The following SERPINF1 variants were observed in gnomAD, a reference collection of about 807,000 sequenced individuals.
SERPINF1 encodes the protein serpin family F member 1.
Under a neutral mutation model 37.3 loss-of-function variants are expected in SERPINF1, and 29 were observed. The observed-to-expected ratio is 0.78, with a 90% CI of 0.58 to 1.06. SERPINF1 has a LOEUF of 1.06. Among genes scored for constraint, SERPINF1 ranks in the 50% least tolerant of loss-of-function variants. The pLI, the probability that SERPINF1 is intolerant of heterozygous loss-of-function variation, is 0.00. For missense variants in SERPINF1, 553 were observed against 532.2 expected (o/e 1.04, Z -0.38); for synonymous variants, 281 against 227.9 (o/e 1.23, Z -2.10).
In SERPINF1 at chr17:1,777,154, G is replaced by A. The variant is rs749784946; in HGVS notation, c.998-33G>A. On this transcript the variant is annotated intron_variant, in intron 7 of 7. Coordinates refer to ENST00000254722, the MANE Select transcript of SERPINF1 (RefSeq NM_002615.7). The stretch of plus-strand genomic sequence containing the variant: ...TTGGTTGGGGTGTTGGGGAAGGCAG[G>A]GTTTTAACGGAAATCTCTCTCCATC... The A allele has an allele frequency of 2.2e-5, 35 of 1,613,944 alleles. No homozygotes were observed. In the South Asian group the frequency reaches 3.5e-4, roughly 16 times the overall value.
chr17:1,776,709 G>A lies in SERPINF1; in HGVS notation c.964G>A (p.Glu322Lys), dbSNP rs779868315. The A allele has an allele frequency of 8.1e-6, 13 of 1,612,922 alleles. No individual in the cohort carries two copies. Among genetic ancestry groups the A allele is most frequent in the South Asian group, 2.2e-5 (2 of 90,972 alleles). Reference protein sequence around the residue: ...LTVPKLKLSYEGEVTKSLQEM... With the variant: ...LTVPKLKLSYKGEVTKSLQEM... Reference sequence around the variant, plus strand: ...TGTCCCCAAGCTGAAGCTGAGTTATGAAGGCGAAGTCACCAAGTCCCTGCA... The same window carrying A: ...TGTCCCCAAGCTGAAGCTGAGTTATAAAGGCGAAGTCACCAAGTCCCTGCA... The change falls in exon 7 of 8, where the codon GAA becomes AAA. Residue 322 changes from glutamate (E) to lysine (K), a missense_variant. Glu to Lys is a moderately conservative substitution (Grantham distance 56). Coordinates refer to ENST00000254722, the MANE Select transcript of SERPINF1 (RefSeq NM_002615.7).
chr17:1,777,039 T>A, intron 7 of SERPINF1, 148 bp from the exon 8 acceptor site: 1 of 1,260,232 alleles, frequency 7.9e-7, no homozygotes. Context: ...CCTGGGCAAG[T>A]CACTCCACCC....
chr17:1,766,603 C>G (rs1209251151), intron 1 of SERPINF1: 1 of 144,152 alleles, frequency 6.9e-6, no homozygotes, highest in Non-Finnish European at 1.3e-5. Flanking sequence ...TAAATAAAAG[C>G]TTTAGGCTTA....
chr17:1,763,034 A>C (rs991378298), intron 1 of SERPINF1, among the ~76,000 whole-genome samples: 7 of 152,184 alleles, frequency 4.6e-5, no homozygotes, highest in Admixed American at 3.9e-4. Flanking sequence ...GGGTGTGGGG[A>C]AGTGCAACTC....
chr17:1,771,043 A>G lies in SERPINF1; in HGVS notation c.298A>G (p.Thr100Ala). ...GTCTCTGGCAGGAGCGGAGCAGCGA[A>G]CAGAATCCATCATTCACCGGGCTCT... ...SALSLGAEQR[T>A]ESIIHRALYY... Residue 100 changes from threonine to alanine, a missense_variant, in exon 4 of 8, where the codon ACA becomes GCA. Physicochemically the swap from Thr to Ala is moderately conservative, Grantham distance 58. Transcript: ENST00000254722. 6.2e-7 allele frequency: 1 copy of G among 1,614,004 alleles called. No individual in the cohort carries two copies. The highest frequency in any genetic ancestry group is 8.5e-7 in the Non-Finnish European group (1 of 1,179,954).
intron 1 of SERPINF1, chr17:1,766,280 G>C (rs1001104125): frequency 2.6e-5 from 4 of 152,280 alleles, no homozygotes; most frequent in African/African-American, 7.2e-5. Context: ...CAGGGGCCAG[G>C]TGTAATGGCT....
intron 1 of SERPINF1, chr17:1,766,636 C>G (rs1829633368): frequency 2.7e-6 from 1 of 375,574 alleles, no homozygotes; most frequent in African/African-American, 2.1e-5. Context: ...CTGACGCAGA[C>G]AGTGGAACAA....
At chr17:1,763,733 T>C (rs1426474858) in intron 1 of SERPINF1, among the ~76,000 whole-genome samples, 2 of 152,246 alleles carry the variant, frequency 1.3e-5, no homozygotes, top group African/African-American at 4.8e-5. Context: ...TTTGGACCCA[T>C]GTCCCTTCCC....
Position 1,772,035 on chromosome 17 carries a change from T to A in SERPINF1, c.603T>A (p.Asp201Glu), listed in dbSNP as rs1907776686. The A allele has an allele frequency of 1.2e-6, 2 of 1,613,240 alleles. No homozygotes were observed. The highest frequency in any genetic ancestry group is 1.1e-5 in the South Asian group (1 of 91,068). Residue 201 changes from aspartate (D) to glutamate (E), a missense_variant, in exon 5 of 8, where the codon GAT becomes GAA. Coordinates refer to ENST00000254722, the MANE Select transcript of SERPINF1 (RefSeq NM_002615.7). The stretch of plus-strand genomic sequence containing the variant: ...CCAGGTCCACAAAGGAAATTCCCGA[T>A]GAGATCAGCATTCTCCTTCTCGGTG... ...KLARSTKEIP[D>E]EISILLLGVA...
chr17:1,776,368 C>A, intron 6 of SERPINF1, 164 bp from the exon 7 acceptor site: 3 of 703,572 alleles, frequency 4.3e-6, no homozygotes, highest in Non-Finnish European at 7.6e-6. Flanking sequence ...TGGCTCACTG[C>A]CAGAAAGCTA....
chr17:1,770,742 G>C, intron 3 of SERPINF1: 1 of 392,678 alleles, frequency 2.5e-6, no homozygotes, highest in East Asian at 6.1e-5. Flanking sequence ...TTACAGGCGT[G>C]AGCCACCGCG....
At chr17:1,776,440 C>T (rs774973647) in intron 6 of SERPINF1, 92 bp from the exon 7 acceptor site, 91 of 1,143,930 alleles carry the variant, frequency 8.0e-5, no homozygotes, top group East Asian at 2.6e-4. Flanking sequence ...ACCAGGGCCC[C>T]GTCACGGGAG....
At chr17:1,766,806 C>T in intron 1 of SERPINF1, 97 bp from the exon 2 acceptor site, 7 of 1,237,226 alleles carry the variant, frequency 5.7e-6, no homozygotes, top group Non-Finnish European at 8.1e-6. Flanking sequence ...ACTAGCCCTG[C>T]CCAACCCCTG....
rs1182427953 is a variant in SERPINF1, at chr17:1,776,539, A to G, written c.794A>G (p.Gln265Arg). ...LDSDLSCKIAQLPLTGSMSII... is the reference protein window; with the variant it reads ...LDSDLSCKIARLPLTGSMSII... ...CTTTCTCACTTGTCTCAGATTGCCC[A>G]GCTGCCCTTGACCGGAAGCATGAGT... Residue 265 changes from glutamine (Q) to arginine (R), a missense_variant, in exon 7 of 8, where the codon CAG becomes CGG. Gln to Arg is a conservative substitution (Grantham distance 43). Transcript: ENST00000254722. 1 of 1,613,940 alleles carries G rather than the reference A, an allele frequency of 6.2e-7. No individual in the cohort carries two copies. Among genetic ancestry groups the G allele is most frequent in the Non-Finnish European group, 8.5e-7 (1 of 1,180,026 alleles).
intron 5 of SERPINF1, among the ~76,000 whole-genome samples, chr17:1,773,191 G>A (rs958003617): frequency 1.3e-5 from 2 of 152,198 alleles, no homozygotes; most frequent in African/African-American, 4.8e-5. Context: ...CAGAGAGGGA[G>A]GAAGAATGAA....
intron 1 of SERPINF1, 50 bp from the exon 2 acceptor site, chr17:1,766,853 C>T (rs1907411563): frequency 2.7e-6 from 4 of 1,507,312 alleles, no homozygotes; most frequent in Admixed American, 2.0e-5. Flanking sequence ...GGTAGCGGGG[C>T]AGTGCAGTGT....
At chr17:1,764,779 G>A (rs538500968) in intron 1 of SERPINF1, among the ~76,000 whole-genome samples, 1 of 152,140 alleles carries the variant, frequency 6.6e-6, no homozygotes, top group Admixed American at 6.5e-5. Context: ...AATGGATAAT[G>A]AAGGATGATG....
intron 5 of SERPINF1, among the ~76,000 whole-genome samples, chr17:1,773,680 A>G (rs960350483): frequency 5.3e-5 from 8 of 152,082 alleles, no homozygotes; most frequent in African/African-American, 1.7e-4. Flanking sequence ...ACACCTTTTT[A>G]TGTTGTCTCC....
At chr17:1,776,424 G>A (rs1327864716) in intron 6 of SERPINF1, 108 bp from the exon 7 acceptor site, 2 of 963,494 alleles carry the variant, frequency 2.1e-6, no homozygotes, top group Non-Finnish European at 3.3e-6. Flanking sequence ...CTGGATGAAG[G>A]ACGAGACCAG....
Sources: allele counts gnomAD v4.1 joint callset (sites outside exome capture counted in the v4.1 genomes callset), GRCh38; gene constraint gnomAD v4.1.1; transcripts MANE v1.5; gene names NCBI Gene and HGNC (gene_info 2026-07-23, HGNC 2026-07-21).